Variants in TMCC1 observed in about 807,000 individuals in gnomAD.
TMCC1 encodes transmembrane and coiled-coil domains protein 1.
A neutral mutation model predicts 52.4 loss-of-function variants in TMCC1; 15 were observed. The ratio of observed to expected loss-of-function variants is 0.29; its 90% confidence interval spans 0.19 to 0.44. The LOEUF is 0.44. TMCC1 is among the 20% of genes least tolerant of loss of function. TMCC1 has a pLI of 1.00. For synonymous variants in TMCC1, 279 were observed against 301.9 expected, an observed-to-expected ratio of 0.92 and a Z score of 0.79; for missense variants, 503 against 806.0, an observed-to-expected ratio of 0.62 and a Z score of 4.55.
chr3:129,886,493 C>T (rs560970301), intron 1 of TMCC1, among the ~76,000 whole-genome samples: 4 of 152,166 alleles, frequency 2.6e-5, no homozygotes, highest in African/African-American at 4.8e-5. Context: ...AGCAAAAAAG[C>T]GGCATTATTC....
intron 4 of TMCC1, among the ~76,000 whole-genome samples, chr3:129,786,167 T>G (rs2107737440): frequency 6.6e-6 from 1 of 152,254 alleles, no homozygotes; most frequent in African/African-American, 2.4e-5. Flanking sequence ...CTCGAATTCC[T>G]GGCCTCAAGT....
intron 4 of TMCC1, among the ~76,000 whole-genome samples, chr3:129,824,503 A>ATAAT: frequency 6.6e-6 from 1 of 152,340 alleles, no homozygotes; most frequent in African/African-American, 2.4e-5. Flanking sequence ...ATCATTAAGG[A>ATAAT]TAATCAAAAT....
rs750280972 is a variant in TMCC1, at chr3:129,772,106, C to A, written c.576+55697G>T. On this transcript the variant is annotated intron_variant, in intron 4 of 6. Transcript: ENST00000393238. ...AGGTGTGGCAGTCCACACCTGTAAT[C>A]CCACCACTTTGGAAGGCCAATGTGG... Among the ~76,000 whole-genome samples, 4 of 152,276 alleles carry A rather than the reference C, an allele frequency of 2.6e-5. No individual in the cohort carries two copies. The East Asian group carries it at 5.8e-4, about 22-fold the overall frequency.
intron 2 of TMCC1, among the ~76,000 whole-genome samples, chr3:129,879,534 A>C (rs911004297): frequency 6.6e-6 from 1 of 152,238 alleles, no homozygotes; most frequent in Non-Finnish European, 1.5e-5. Context: ...AATCCTTTAC[A>C]TTGATAAAAA....
chr3:129,862,374 A>G (rs533535169), intron 2 of TMCC1, among the ~76,000 whole-genome samples: 7 of 152,332 alleles, frequency 4.6e-5, no homozygotes, highest in Non-Finnish European at 1.0e-4. Context: ...TATATAAAAT[A>G]TATCTCAAAA....
In TMCC1 at chr3:129,720,764, A is replaced by G. The variant is rs149179636; in HGVS notation, c.577-49500T>C. ...GGCTGCAGTGCAGTAGCCTGATCAT[A>G]GCTCACTGCAGTCCCAAACTCCTGG... On this transcript the variant is annotated intron_variant, in intron 4 of 6. Coordinates refer to ENST00000393238, the MANE Select transcript of TMCC1 (RefSeq NM_001017395.5). Among the ~76,000 whole-genome samples the G allele has an allele frequency of 5.8e-4, 89 of 152,210 alleles. 1 individual carries two copies. In the East Asian group the frequency reaches 0.016, roughly 28 times the overall value.
intron 4 of TMCC1, among the ~76,000 whole-genome samples, chr3:129,673,326 T>C (rs1326831099): frequency 6.6e-6 from 1 of 152,168 alleles, no homozygotes; most frequent in East Asian, 1.9e-4. Flanking sequence ...GTCTTCTAGG[T>C]TGCACAGGGT....
intron 5 of TMCC1, among the ~76,000 whole-genome samples, chr3:129,658,595 C>T (rs1330045979): frequency 6.6e-6 from 1 of 152,122 alleles, no homozygotes; most frequent in African/African-American, 2.4e-5. Context: ...CTTTTTTGTT[C>T]AGACCCAGTA....
Position 129,651,693 on chromosome 3 carries a change from T to TTG in TMCC1, c.1749_1750insCA (p.Asn584GlnfsTer25). 1 of 1,614,182 alleles carries TTG rather than the reference T, an allele frequency of 6.2e-7. No individual in the cohort carries two copies. The highest frequency in any genetic ancestry group is 8.5e-7 in the Non-Finnish European group (1 of 1,180,036). On this transcript the variant is annotated frameshift_variant, in exon 7 of 7. Coordinates refer to ENST00000393238, the MANE Select transcript of TMCC1 (RefSeq NM_001017395.5). LOFTEE classifies it high-confidence loss of function. The surrounding 1 kb of genome is among the most constrained non-coding windows in gnomAD (Gnocchi z 5.1). ...ATGTTGATGAGTTTGCCCAGAAGGT[T>TTG]CCGGGCAGTGGCATTCTCCAGCCCT...
At chr3:129,770,622 G>GAAATA (rs2107700722) in intron 4 of TMCC1, among the ~76,000 whole-genome samples, 1 of 151,454 alleles carries the variant, frequency 6.6e-6, no homozygotes, top group African/African-American at 2.4e-5. Flanking sequence ...GAAATGAAAT[G>GAAATA]AAATGAAATG....
chr3:129,714,847 A>G (rs2048950298), intron 4 of TMCC1, among the ~76,000 whole-genome samples: 1 of 152,202 alleles, frequency 6.6e-6, no homozygotes, highest in South Asian at 2.1e-4. Flanking sequence ...TATTCTCCAC[A>G]TATCCTTAGA....
chr3:129,826,537 A>T (rs1361898188), intron 4 of TMCC1, among the ~76,000 whole-genome samples: 3 of 151,962 alleles, frequency 2.0e-5, no homozygotes, highest in African/African-American at 7.3e-5. Context: ...ATACACATAA[A>T]TATGTGGTAC....
At chr3:129,850,943 G>GTTTTAACCAAT (rs2059890251) in intron 2 of TMCC1, among the ~76,000 whole-genome samples, 1 of 152,202 alleles carries the variant, frequency 6.6e-6, no homozygotes, top group African/African-American at 2.4e-5. Context: ...GCCTTTAAGC[G>GTTTTAACCAAT]GTTTTCTGCC....
intron 4 of TMCC1, among the ~76,000 whole-genome samples, chr3:129,719,438 A>C (rs2049385331): frequency 6.6e-6 from 1 of 152,160 alleles, no homozygotes; most frequent in Non-Finnish European, 1.5e-5. Flanking sequence ...AAGCCACTCT[A>C]GCAAATTAAC....
At chr3:129,871,790 G>T (rs2060943288) in intron 2 of TMCC1, among the ~76,000 whole-genome samples, 1 of 152,122 alleles carries the variant, frequency 6.6e-6, no homozygotes, top group East Asian at 1.9e-4. Flanking sequence ...AATGAAAAAA[G>T]AATCAAAGTC....
chr3:129,885,656 G>C (rs2061660146), intron 1 of TMCC1, among the ~76,000 whole-genome samples: 1 of 152,186 alleles, frequency 6.6e-6, no homozygotes, highest in Non-Finnish European at 1.5e-5. Context: ...AATGTGGTTA[G>C]AATAAAATCT....
chr3:129,749,827 C>T (rs551257722), intron 4 of TMCC1, among the ~76,000 whole-genome samples: 1 of 152,208 alleles, frequency 6.6e-6, no homozygotes, highest in Admixed American at 6.5e-5. Flanking sequence ...CAGACTGAAT[C>T]CTGTTGAGAC....
intron 1 of TMCC1, among the ~76,000 whole-genome samples, chr3:129,887,222 A>G (rs2061748738): frequency 6.6e-6 from 1 of 151,906 alleles, no homozygotes; most frequent in Admixed American, 6.6e-5. Context: ...CATAAATTGT[A>G]TTTTATAGGA....
intron 4 of TMCC1, among the ~76,000 whole-genome samples, chr3:129,760,660 G>A (rs1322600646): frequency 2.0e-5 from 3 of 151,900 alleles, no homozygotes; most frequent in Non-Finnish European, 2.9e-5. Flanking sequence ...TGTATTTTTA[G>A]TAGAGACGGG....
Sources: allele counts gnomAD v4.1 joint callset (sites outside exome capture counted in the v4.1 genomes callset), GRCh38; gene constraint gnomAD v4.1.1; non-coding constraint Gnocchi (gnomAD v3.1); transcripts MANE v1.5; gene names NCBI Gene and HGNC (gene_info 2026-07-23, HGNC 2026-07-21).